The following GRTP1 variants were observed in gnomAD, a reference collection of about 807,000 sequenced individuals.
The protein encoded by GRTP1 is growth hormone regulated TBC protein 1, also known as growth hormone-regulated TBC protein 1.
In GRTP1, 56 loss-of-function variants were observed where a neutral mutation model predicts 38.1. The observed-to-expected ratio is 1.47, with a 90% confidence interval of 1.19 to 1.84. GRTP1 has a LOEUF of 1.84. GRTP1 is among the 40% of genes most tolerant of loss of function. The probability of loss-of-function intolerance (pLI) is 0.00; values close to 1 mark genes in which losing one functional copy is unlikely to be tolerated. For synonymous variants in GRTP1, 217 were observed against 189.5 expected, an observed-to-expected ratio of 1.14 and a Z score of -1.19; for missense variants, 506 against 453.9, an observed-to-expected ratio of 1.11 and a Z score of -1.04.
At chr13:113,360,762 A>T (rs1415679252) in intron 2 of GRTP1, among the ~76,000 whole-genome samples, 3 of 152,212 alleles carry the variant, frequency 2.0e-5, no homozygotes, top group Non-Finnish European at 2.9e-5. Context: ...ATATTTGCTC[A>T]CAGACCCATT....
Position 113,348,451 on chromosome 13 carries a change from CTG to C in GRTP1, c.465+2396_465+2397del. 6.6e-6 allele frequency among the ~76,000 whole-genome samples: 1 copy of C among 152,274 alleles called. No homozygotes were observed. The highest frequency in any genetic ancestry group is 1.9e-4 in the East Asian group (1 of 5,184). On this transcript the variant is annotated intron_variant, in intron 4 of 7. Coordinates refer to ENST00000375431, the MANE Select transcript of GRTP1 (RefSeq NM_024719.4). The surrounding 1 kb of genome is among the most constrained non-coding windows in gnomAD (Gnocchi z 4.8). ...GGGTGACAGAGCGAGACCGTGTGCA[CTG>C]TGTAACTCTACACATATGCCACACA...
intron 2 of GRTP1, 138 bp from the exon 3 acceptor site, chr13:113,355,619 C>T: frequency 3.9e-6 from 4 of 1,027,670 alleles, no homozygotes; most frequent in Non-Finnish European, 5.4e-6. Flanking sequence ...CGTCCATCTC[C>T]ACCAAAACTG....
At chr13:113,327,762 A>G (rs112699750) in intron 5 of GRTP1, among the ~76,000 whole-genome samples, 1,779 of 152,180 alleles carry the variant, frequency 0.012, 18 homozygotes, top group Non-Finnish European at 0.018. Context: ...CCAGCTGGGG[A>G]GAGAGGGGTG....
intron 2 of GRTP1, among the ~76,000 whole-genome samples, chr13:113,361,345 C>T (rs950332191): frequency 2.0e-5 from 3 of 151,992 alleles, no homozygotes; most frequent in African/African-American, 7.3e-5. Context: ...CTGCTCTTCC[C>T]AGAACCCCCT....
intron 5 of GRTP1, among the ~76,000 whole-genome samples, chr13:113,329,764 G>A (rs1235727247): frequency 1.3e-5 from 2 of 152,224 alleles, no homozygotes; most frequent in African/African-American, 2.4e-5. Context: ...AATACCATTT[G>A]TGGGGCTCAC....
chr13:113,327,253 T>C (rs2042788275), intron 5 of GRTP1, among the ~76,000 whole-genome samples: 1 of 152,230 alleles, frequency 6.6e-6, no homozygotes, highest in Non-Finnish European at 1.5e-5. Context: ...CTTAGCTCAC[T>C]GGAACCTCTC....
At chr13:113,338,227 G>T (rs2042981215) in intron 5 of GRTP1, among the ~76,000 whole-genome samples, 3 of 152,284 alleles carry the variant, frequency 2.0e-5, no homozygotes, top group South Asian at 4.1e-4. Context: ...TGTTGGGATG[G>T]TGATTGATGG....
intron 3 of GRTP1, chr13:113,351,713 G>T (rs954915801): frequency 1.3e-5 from 2 of 152,510 alleles, no homozygotes; most frequent in Non-Finnish European, 2.9e-5. Flanking sequence ...TGACCTCCGC[G>T]TTAACCCTGG....
chr13:113,350,643 C>T (rs555890739), intron 4 of GRTP1, among the ~76,000 whole-genome samples: 12 of 152,274 alleles, frequency 7.9e-5, no homozygotes, highest in Admixed American at 7.2e-4. Flanking sequence ...ATTCTCCTCC[C>T]GCCACCTGAG....
chr13:113,346,162 CTG>C (rs1566429392), intron 4 of GRTP1, among the ~76,000 whole-genome samples: 13 of 139,268 alleles, frequency 9.3e-5, no homozygotes, highest in African/African-American at 3.6e-4. Flanking sequence ...ACCTCTGTGC[CTG>C]ACAGTGGACC....
At chr13:113,351,038 T>C in intron 3 of GRTP1, 65 bp from the exon 4 acceptor site, 14 of 1,602,432 alleles carry the variant, frequency 8.7e-6, no homozygotes, top group Non-Finnish European at 1.2e-5. Context: ...CCCCTCCAGC[T>C]GCCCCGAGGG....
rs755719575 is a variant in GRTP1 at position 113,325,861 on chromosome 13, G to T, written c.736-15C>A. On this transcript the variant is annotated splice_polypyrimidine_tract_variant and intron_variant, in intron 6 of 7. Transcript: ENST00000375431. Reference sequence around the variant, plus strand: ...CGAAGCACTGTCTGCAGAGACATGGGAACCCGGTGTCACTCCCTGGCGGCC... The same window carrying T: ...CGAAGCACTGTCTGCAGAGACATGGTAACCCGGTGTCACTCCCTGGCGGCC... 23 of 1,613,692 alleles carry T rather than the reference G, an allele frequency of 1.4e-5. No homozygotes were observed. The highest frequency in any genetic ancestry group is 6.8e-6 in the Non-Finnish European group (8 of 1,179,868).
intron 5 of GRTP1, among the ~76,000 whole-genome samples, chr13:113,331,786 G>C (rs555052444): frequency 1.6e-3 from 235 of 150,126 alleles, no homozygotes; most frequent in African/African-American, 5.6e-3. Flanking sequence ...CTCCTGAGTA[G>C]CTGGGATCAC....
chr13:113,336,647 G>A (rs2042959324), intron 5 of GRTP1, among the ~76,000 whole-genome samples: 1 of 152,090 alleles, frequency 6.6e-6, no homozygotes, highest in African/African-American at 2.4e-5. Flanking sequence ...CTTGCCCTGG[G>A]CCCTACCTCT....
At chr13:113,350,094 C>G (rs975108000) in intron 4 of GRTP1, among the ~76,000 whole-genome samples, 2 of 152,100 alleles carry the variant, frequency 1.3e-5, no homozygotes, top group Non-Finnish European at 1.5e-5. Flanking sequence ...GGAGGCCAGC[C>G]CTGCCCAGAT....
intron 2 of GRTP1, among the ~76,000 whole-genome samples, chr13:113,363,413 G>C (rs372426747): frequency 6.6e-6 from 1 of 152,156 alleles, no homozygotes; most frequent in African/African-American, 2.4e-5. Context: ...CACCATGTTG[G>C]TCAGGCTGGT....
chr13:113,328,108 G>C (rs191666158), intron 5 of GRTP1, among the ~76,000 whole-genome samples: 56 of 152,352 alleles, frequency 3.7e-4, no homozygotes, highest in African/African-American at 1.3e-3. Context: ...CCCTCAGGCT[G>C]AGGCGCAGGC....
chr13:113,325,881 G>GCGGC (rs2042757425), intron 6 of GRTP1, 35 bp from the exon 7 acceptor site: 2 of 1,613,750 alleles, frequency 1.2e-6, no homozygotes, highest in Middle Eastern at 1.7e-4. Flanking sequence ...TCACTCCCTG[G>GCGGC]CGGCCCGCCC....
chr13:113,347,481 C>CCCAGGAGCACCT (rs2043173865), intron 4 of GRTP1, among the ~76,000 whole-genome samples: 1 of 54,090 alleles, frequency 1.8e-5, no homozygotes, highest in Non-Finnish European at 4.0e-5. Flanking sequence ...CGAGAGCAGA[C>CCCAGGAGCACCT]CTGGGAGGAC....
Sources: gnomAD v4.1 joint callset for allele counts (sites outside exome capture counted in the v4.1 genomes callset) on GRCh38, gnomAD v4.1.1 for gene constraint, Gnocchi (gnomAD v3.1) non-coding constraint, MANE v1.5 for transcripts, NCBI Gene and HGNC (gene_info 2026-07-23, HGNC 2026-07-21) for gene names.